ADAMTS17: variants seen among roughly 807,000 people sequenced by gnomAD.
The protein encoded by ADAMTS17 is ADAM metallopeptidase with thrombospondin type 1 motif 17.
In ADAMTS17, 113 loss-of-function variants were observed where a neutral mutation model predicts 141.5. That is an observed-to-expected ratio of 0.80 (90% CI 0.69 to 0.93). ADAMTS17 has a LOEUF of 0.93. Ranked by LOEUF, ADAMTS17 falls within the 40% of genes least tolerant of loss-of-function variation. The pLI, the probability that ADAMTS17 is intolerant of heterozygous loss-of-function variation, is 0.00. For missense variants in ADAMTS17, 1,659 were observed against 1,517.9 expected, an observed-to-expected ratio of 1.09 and a Z score of -1.54; for synonymous variants, 768 against 630.6, an observed-to-expected ratio of 1.22 and a Z score of -3.27.
At chr15:100,024,398 G>A (rs968617938) in intron 18 of ADAMTS17, among the ~76,000 whole-genome samples, 3 of 152,172 alleles carry the variant, frequency 2.0e-5, no homozygotes, top group Non-Finnish European at 4.4e-5. Flanking sequence ...ATATTACTCT[G>A]TCATATAGAT....
chr15:100,015,088 G>C (rs943256580), intron 18 of ADAMTS17, among the ~76,000 whole-genome samples: 13 of 152,112 alleles, frequency 8.5e-5, no homozygotes, highest in African/African-American at 3.1e-4. Context: ...TTTTCCTGTT[G>C]GACAAGACCT....
At chr15:100,263,775 A>G (rs2142003560) in intron 4 of ADAMTS17, among the ~76,000 whole-genome samples, 1 of 152,380 alleles carries the variant, frequency 6.6e-6, no homozygotes, top group South Asian at 2.1e-4. Flanking sequence ...GTTTTTACCT[A>G]TAGACATAAC....
chr15:100,118,132 G>A (rs1216467006), intron 12 of ADAMTS17, among the ~76,000 whole-genome samples: 2 of 152,238 alleles, frequency 1.3e-5, no homozygotes, highest in Admixed American at 6.5e-5. Context: ...ATGTTTCTGT[G>A]AAGGGCCAGA....
rs569251254 is a variant in ADAMTS17 at position 100,341,919 on chromosome 15, C to T, written c.-20G>A. 1.4e-4 allele frequency: 210 copies of T among 1,510,694 alleles called. No homozygotes were observed. The highest frequency in any genetic ancestry group is 1.6e-4 in the Non-Finnish European group (186 of 1,136,976). 93.6% of individuals were successfully genotyped at this position (1,510,694 alleles called of 1,614,324 possible). A position where few individuals can be genotyped will look rare whatever the true frequency, so the allele number is the denominator to read the frequency against. ...ACACATGGTACCCGGGACCGGCAGC[C>T]CCCCCGGACCGTGGCGGCGAAGCAG... On this transcript the variant is annotated 5_prime_UTR_variant, in exon 1 of 22. Transcript: ENST00000268070.
At chr15:100,321,468 T>A (rs186161804) in intron 3 of ADAMTS17, among the ~76,000 whole-genome samples, 9 of 152,298 alleles carry the variant, frequency 5.9e-5, no homozygotes, top group African/African-American at 2.2e-4. Flanking sequence ...CATACGTACA[T>A]CATCATGACA....
chr15:100,310,584 G>C (rs1225796862), intron 3 of ADAMTS17, among the ~76,000 whole-genome samples: 2 of 152,204 alleles, frequency 1.3e-5, no homozygotes, highest in African/African-American at 4.8e-5. Context: ...GTGGACACCA[G>C]AGCAGAAGGT....
chr15:100,277,467 C>T (rs2142062455), intron 4 of ADAMTS17, among the ~76,000 whole-genome samples: 1 of 152,304 alleles, frequency 6.6e-6, no homozygotes, highest in South Asian at 2.1e-4. Context: ...GAAGCTCTGC[C>T]TTATTACTAC....
intron 4 of ADAMTS17, among the ~76,000 whole-genome samples, chr15:100,266,875 A>T (rs1403883140): frequency 6.6e-6 from 1 of 152,132 alleles, no homozygotes; most frequent in Non-Finnish European, 1.5e-5. Context: ...TGAGCTCCGG[A>T]GGATGAGACC....
intron 3 of ADAMTS17, among the ~76,000 whole-genome samples, chr15:100,297,167 T>G (rs1206234472): frequency 6.6e-6 from 1 of 151,910 alleles, no homozygotes; most frequent in African/African-American, 2.4e-5. Context: ...GAACAGCATA[T>G]ACACAGGGCC....
intron 7 of ADAMTS17, among the ~76,000 whole-genome samples, chr15:100,215,115 G>A (rs2041929725): frequency 6.6e-6 from 1 of 152,196 alleles, no homozygotes. Context: ...ACTGTGCCTG[G>A]CAGGTTCCGG....
At chr15:100,247,527 C>T (rs139141016) in intron 7 of ADAMTS17, among the ~76,000 whole-genome samples, 1,655 of 152,228 alleles carry the variant, frequency 0.011, 15 homozygotes, top group Non-Finnish European at 0.016. Flanking sequence ...CCAGTGAGGA[C>T]GCCAGGGCTG....
intron 15 of ADAMTS17, among the ~76,000 whole-genome samples, chr15:100,087,011 T>C (rs1196673780): frequency 6.6e-6 from 1 of 151,832 alleles, no homozygotes; most frequent in Admixed American, 6.6e-5. Context: ...CTGAAGGAAA[T>C]AGAGACACAA....
In ADAMTS17 at chr15:100,155,233, T is replaced by G; in HGVS notation, c.1269A>C (p.Pro423=). The G allele has an allele frequency of 3.1e-6, 5 of 1,614,224 alleles. No individual in the cohort carries two copies. Among genetic ancestry groups the G allele is most frequent in the Non-Finnish European group, 4.2e-6 (5 of 1,180,028 alleles). Residue 423 remains proline (P), a synonymous_variant, in exon 9 of 22, where the codon CCA becomes CCC. Transcript: ENST00000268070. The part of the protein sequence containing the change: ...MSGEWVKGRN[P]SDLSWSSCSR... ...TGCAGGAGGACCAAGAGAGGTCACT[T>G]GGGTTCCGGCCTTTCACCCACTCTC...
chr15:100,262,264 G>T, intron 5 of ADAMTS17, 88 bp downstream of exon 5: 2 of 1,231,550 alleles, frequency 1.6e-6, no homozygotes, highest in Non-Finnish European at 1.2e-6. Context: ...GCAACTCCCT[G>T]GAGCCCCGCT....
intron 7 of ADAMTS17, among the ~76,000 whole-genome samples, chr15:100,201,288 C>G (rs2041322433): frequency 6.6e-6 from 1 of 152,150 alleles, no homozygotes; most frequent in South Asian, 2.1e-4. Flanking sequence ...TGAGTTAGTT[C>G]TCATGAGAGC....
Position 100,116,921 on chromosome 15 carries a change from C to A in ADAMTS17, c.1814G>T (p.Arg605Leu). ...GTCGTGTGCCTGGCACTGCTGGTCCCGGAAGCTGGGCAGACCCTTGGGGCA... is the reference window on the plus strand; with the variant it reads ...GTCGTGTGCCTGGCACTGCTGGTCCAGGAAGCTGGGCAGACCCTTGGGGCA... ...LPCPKGLPSF[R>L]DQQCQAHDRL... The change falls in exon 13 of 22, where the codon CGG becomes CTG. Residue 605 changes from arginine (R) to leucine (L), a missense_variant. By Grantham distance (102) the Arg-to-Leu change is moderately radical (BLOSUM62 -2). Coordinates refer to ENST00000268070, the MANE Select transcript of ADAMTS17 (RefSeq NM_139057.4). 6.2e-7 allele frequency: 1 copy of A among 1,614,132 alleles called. No individual in the cohort carries two copies. The highest frequency in any genetic ancestry group is 8.5e-7 in the Non-Finnish European group (1 of 1,180,032).
chr15:100,295,592 C>A (rs1417340925), intron 3 of ADAMTS17, among the ~76,000 whole-genome samples: 1 of 152,200 alleles, frequency 6.6e-6, no homozygotes, highest in African/African-American at 2.4e-5. Context: ...AAGCCACAGC[C>A]CCACAGCCCC....
intron 7 of ADAMTS17, among the ~76,000 whole-genome samples, chr15:100,245,795 G>A (rs1314785860): frequency 6.6e-6 from 1 of 152,188 alleles, no homozygotes; most frequent in African/African-American, 2.4e-5. Flanking sequence ...AGGCATAGAT[G>A]GAGCCTCGCC....
chr15:100,156,961 G>C (rs930337916), intron 8 of ADAMTS17, among the ~76,000 whole-genome samples: 3 of 152,208 alleles, frequency 2.0e-5, no homozygotes, highest in African/African-American at 7.2e-5. Flanking sequence ...ATTTTTAAAG[G>C]AAAGAGGTTT....
Sources: allele counts gnomAD v4.1 joint callset (sites outside exome capture counted in the v4.1 genomes callset), GRCh38; gene constraint gnomAD v4.1.1; transcripts MANE v1.5; gene names NCBI Gene and HGNC (gene_info 2026-07-23, HGNC 2026-07-21).